GRID2: variants seen among roughly 807,000 people sequenced by gnomAD.
GRID2 encodes the protein glutamate receptor ionotropic, delta-2.
GRID2 carries 33 observed loss-of-function variants against 114.8 expected under a neutral mutation model. The ratio of observed to expected loss-of-function variants is 0.29; its 90% CI spans 0.22 to 0.38. GRID2 has a LOEUF of 0.38. Ranked by LOEUF, GRID2 falls within the 10% of genes least tolerant of loss-of-function variation. The pLI, the probability that GRID2 is intolerant of heterozygous loss-of-function variation, is 1.00. For missense variants in GRID2, 1,184 were observed against 1,257.7 expected, an observed-to-expected ratio of 0.94 and a Z score of 0.89; for synonymous variants, 505 against 449.9, an observed-to-expected ratio of 1.12 and a Z score of -1.55.
At chr4:92,320,126 GA>G (rs1726234105) in intron 1 of GRID2, among the ~76,000 whole-genome samples, 1 of 152,116 alleles carries the variant, frequency 6.6e-6, no homozygotes, top group Non-Finnish European at 1.5e-5. Context: ...GTTCAGTTTT[GA>G]ACTCAAAATG....
chr4:93,780,181 T>C (rs1056510428), intron 1 of GRID2, among the ~76,000 whole-genome samples: 3 of 152,148 alleles, frequency 2.0e-5, no homozygotes, highest in Non-Finnish European at 4.4e-5. Context: ...GAAGTGGGGA[T>C]CTGCTATATT....
intron 2 of GRID2, among the ~76,000 whole-genome samples, chr4:92,985,693 G>T (rs1449419896): frequency 3.9e-5 from 6 of 152,046 alleles, no homozygotes. Flanking sequence ...TCCTTTAAAG[G>T]GGTTAAGATA....
chr4:92,813,318 C>T (rs1045225621), intron 2 of GRID2, among the ~76,000 whole-genome samples: 1 of 152,090 alleles, frequency 6.6e-6, no homozygotes, highest in Non-Finnish European at 1.5e-5. Flanking sequence ...CTGGTTCAAG[C>T]CCTCTTCCTT....
intron 1 of GRID2, among the ~76,000 whole-genome samples, chr4:92,532,626 C>G (rs1725409060): frequency 6.6e-6 from 1 of 151,996 alleles, no homozygotes; most frequent in Admixed American, 6.6e-5. Flanking sequence ...CAATAGATGG[C>G]CTCTAACCAA....
At chr4:93,645,543 A>G (rs1722031379) in intron 14 of GRID2, among the ~76,000 whole-genome samples, 1 of 152,148 alleles carries the variant, frequency 6.6e-6, no homozygotes, top group South Asian at 2.1e-4. Context: ...GTGTTTTCAA[A>G]TGTCTCTTTT....
At chr4:92,867,898 A>G (rs1215281590) in intron 2 of GRID2, among the ~76,000 whole-genome samples, 1 of 152,180 alleles carries the variant, frequency 6.6e-6, no homozygotes, top group African/African-American at 2.4e-5. Context: ...TGCAACTCAC[A>G]GGGTAGTGAT....
intron 2 of GRID2, among the ~76,000 whole-genome samples, chr4:92,874,944 C>G (rs1000194491): frequency 1.3e-5 from 2 of 152,076 alleles, no homozygotes; most frequent in Non-Finnish European, 2.9e-5. Context: ...TGTTTACAAT[C>G]ATTCACATAA....
chr4:92,374,111 G>A (rs1729244608), intron 1 of GRID2, among the ~76,000 whole-genome samples: 1 of 152,052 alleles, frequency 6.6e-6, no homozygotes, highest in Non-Finnish European at 1.5e-5. Context: ...CTGAGAGACT[G>A]TTTCTTTCAG....
chr4:93,038,372 A>G (rs576476726), intron 2 of GRID2, among the ~76,000 whole-genome samples: 45 of 152,232 alleles, frequency 3.0e-4, no homozygotes, highest in Non-Finnish European at 6.3e-4. Context: ...ACTTCTCAAA[A>G]GAAGACATTT....
chr4:93,508,112 C>G (rs982355249), intron 12 of GRID2, among the ~76,000 whole-genome samples: 1 of 151,716 alleles, frequency 6.6e-6, no homozygotes, highest in Non-Finnish European at 1.5e-5. Flanking sequence ...ACATATGTAA[C>G]AAACCTGCAC....
chr4:92,389,911 G>A (rs968791847), intron 1 of GRID2, among the ~76,000 whole-genome samples: 3 of 152,002 alleles, frequency 2.0e-5, no homozygotes, highest in African/African-American at 7.2e-5. Flanking sequence ...AAAATTGCAG[G>A]TGCTATGAAA....
At chr4:93,008,443 A>G (rs545289536) in intron 2 of GRID2, among the ~76,000 whole-genome samples, 1 of 152,142 alleles carries the variant, frequency 6.6e-6, no homozygotes, top group South Asian at 2.1e-4. Context: ...ATCCCAATCT[A>G]TATAGTTGAA....
chr4:93,190,095 C>G (rs1238634776), intron 4 of GRID2, among the ~76,000 whole-genome samples: 2 of 151,892 alleles, frequency 1.3e-5, no homozygotes. Flanking sequence ...TTTAGAATGC[C>G]TAATGGTTTC....
intron 8 of GRID2, among the ~76,000 whole-genome samples, chr4:93,269,858 A>G (rs2149566297): frequency 6.6e-6 from 1 of 152,316 alleles, no homozygotes; most frequent in Non-Finnish European, 1.5e-5. Context: ...TTGGTGCACT[A>G]CCAAATAAGG....
intron 8 of GRID2, among the ~76,000 whole-genome samples, chr4:93,253,749 T>A (rs1749245110): frequency 6.6e-6 from 1 of 152,134 alleles, no homozygotes; most frequent in South Asian, 2.1e-4. Context: ...AAATTCCAAA[T>A]AATTCTGAAG....
chr4:93,556,886 C>A (rs1734374290), intron 13 of GRID2, among the ~76,000 whole-genome samples: 1 of 152,160 alleles, frequency 6.6e-6, no homozygotes, highest in Non-Finnish European at 1.5e-5. Context: ...AGACTAACAG[C>A]AGATCTCTCT....
intron 8 of GRID2, among the ~76,000 whole-genome samples, chr4:93,349,679 G>C (rs753492263): frequency 6.6e-6 from 1 of 152,006 alleles, no homozygotes; most frequent in East Asian, 1.9e-4. Flanking sequence ...TTTGCTAAAA[G>C]TCACCTTAAT....
chr4:92,787,170 G>T (rs1011459994), intron 2 of GRID2, among the ~76,000 whole-genome samples: 1 of 151,868 alleles, frequency 6.6e-6, no homozygotes, highest in Admixed American at 6.6e-5. Flanking sequence ...CCCTTACTCT[G>T]TGGATAGTGT....
At chr4:93,316,914 T>C (rs1433184702) in intron 8 of GRID2, among the ~76,000 whole-genome samples, 1 of 152,148 alleles carries the variant, frequency 6.6e-6, no homozygotes, top group East Asian at 1.9e-4. Context: ...CCTCCCAAGG[T>C]ATCAGAAGTC....
Sources: allele counts gnomAD v4.1 joint callset (sites outside exome capture counted in the v4.1 genomes callset), GRCh38; gene constraint gnomAD v4.1.1; transcripts MANE v1.5; gene names NCBI Gene and HGNC (gene_info 2026-07-23, HGNC 2026-07-21).